The following SCAPER variants were observed in gnomAD, a reference collection of about 807,000 sequenced individuals.
The protein encoded by SCAPER is S phase cyclin A-associated protein in the endoplasmic reticulum.
SCAPER carries 98 observed loss-of-function variants against 182.2 expected under a neutral mutation model. That is an observed-to-expected ratio of 0.54 (90% CI 0.46 to 0.64). The LOEUF is 0.64. Ranked by LOEUF, SCAPER falls within the 30% of genes least tolerant of loss-of-function variation. The probability of loss-of-function intolerance (pLI) is 0.00; values close to 1 mark genes in which losing one functional copy is unlikely to be tolerated. For synonymous variants in SCAPER, 605 were observed against 564.6 expected (o/e 1.07, Z -1.01); for missense variants, 1,432 against 1,690.0 (o/e 0.85, Z 2.68).
chr15:76,713,704 C>A (rs1398260616), intron 17 of SCAPER, among the ~76,000 whole-genome samples: 1 of 151,868 alleles, frequency 6.6e-6, no homozygotes, highest in African/African-American at 2.4e-5. Context: ...GGGTGCAGCA[C>A]ACCAGCATGG....
chr15:76,526,388 T>C (rs1311888513), intron 23 of SCAPER, among the ~76,000 whole-genome samples: 3 of 152,204 alleles, frequency 2.0e-5, no homozygotes, highest in Non-Finnish European at 4.4e-5. Flanking sequence ...GTCTCTACTC[T>C]AGTAGTTTAA....
At chr15:76,518,637 A>G (rs1186114915) in intron 23 of SCAPER, among the ~76,000 whole-genome samples, 1 of 152,194 alleles carries the variant, frequency 6.6e-6, no homozygotes, top group East Asian at 1.9e-4. Flanking sequence ...TGGGAGAAAC[A>G]CAGGAGGCAA....
chr15:76,647,633 G>A (rs1409226931), intron 21 of SCAPER, among the ~76,000 whole-genome samples: 1 of 152,234 alleles, frequency 6.6e-6, no homozygotes, highest in African/African-American at 2.4e-5. Flanking sequence ...CAAATCTTCA[G>A]AGAGGCCCCA....
At chr15:76,794,246 T>C (rs1598768081) in intron 8 of SCAPER, among the ~76,000 whole-genome samples, 1 of 152,366 alleles carries the variant, frequency 6.6e-6, no homozygotes, top group South Asian at 2.1e-4. Context: ...GAGTTATTCA[T>C]GAATAATCTG....
At chr15:76,407,977 A>G (rs962803766) in intron 26 of SCAPER, among the ~76,000 whole-genome samples, 4 of 152,168 alleles carry the variant, frequency 2.6e-5, no homozygotes, top group Non-Finnish European at 5.9e-5. Context: ...AAATCACTTA[A>G]AAAAAACAAA....
chr15:76,447,698 T>C (rs778935528), intron 25 of SCAPER, among the ~76,000 whole-genome samples: 1 of 151,966 alleles, frequency 6.6e-6, no homozygotes, highest in Non-Finnish European at 1.5e-5. Flanking sequence ...GAAATAATAT[T>C]ATTATCTGAA....
chr15:76,606,080 C>T lies in SCAPER; in HGVS notation c.2711+15684G>A, dbSNP rs144314151. On this transcript the variant is annotated intron_variant, in intron 22 of 31. Transcript: ENST00000563290. Reference sequence around the variant, plus strand: ...TCTGCTAGCTTTTGAATGTGGTTGCCCTTGCTTCTCTAGTTCTTTTAATTG... The same window carrying T: ...TCTGCTAGCTTTTGAATGTGGTTGCTCTTGCTTCTCTAGTTCTTTTAATTG... 4.4e-3 allele frequency among the ~76,000 whole-genome samples: 673 copies of T among 151,836 alleles called. 7 individuals are homozygous for T. Among genetic ancestry groups the T allele is most frequent in the African/African-American group, 0.015 (638 of 41,414 alleles).
At chr15:76,604,966 CTGCAAACAGGGACAACT>C (rs1026381710) in intron 22 of SCAPER, among the ~76,000 whole-genome samples, 2 of 152,162 alleles carry the variant, frequency 1.3e-5, no homozygotes, top group African/African-American at 4.8e-5. Flanking sequence ...ATCATGTCAT[CTGCAAACAGGGACAACT>C]TGACTTCCTC....
chr15:76,538,316 C>T (rs2144691140), intron 23 of SCAPER, among the ~76,000 whole-genome samples: 1 of 149,238 alleles, frequency 6.7e-6, no homozygotes, highest in Admixed American at 6.7e-5. Flanking sequence ...GGAACCAACC[C>T]AAATGTCCAA....
chr15:76,500,465 A>G (rs145654664), intron 24 of SCAPER, among the ~76,000 whole-genome samples: 1 of 152,310 alleles, frequency 6.6e-6, no homozygotes, highest in Admixed American at 6.6e-5. Context: ...CTTGTGAATT[A>G]TGAACATCTA....
intron 21 of SCAPER, among the ~76,000 whole-genome samples, chr15:76,646,426 G>C (rs1050944106): frequency 6.6e-6 from 1 of 152,150 alleles, no homozygotes; most frequent in African/African-American, 2.4e-5. Flanking sequence ...CAGAGGTCCA[G>C]CTATTATACA....
intron 8 of SCAPER, chr15:76,793,493 C>A: frequency 2.0e-6 from 1 of 489,952 alleles, no homozygotes; most frequent in African/African-American, 2.0e-5. Context: ...AGGTTGCTTG[C>A]CAATGGTTTA....
chr15:76,675,550 G>C (rs114018101), intron 20 of SCAPER, among the ~76,000 whole-genome samples: 1 of 152,206 alleles, frequency 6.6e-6, no homozygotes, highest in Non-Finnish European at 1.5e-5. Flanking sequence ...GAATGATGCA[G>C]AAGCTGAACC....
chr15:76,514,574 C>A (rs1173772134), intron 23 of SCAPER, among the ~76,000 whole-genome samples: 1 of 152,182 alleles, frequency 6.6e-6, no homozygotes, highest in Admixed American at 6.5e-5. Context: ...GGGAGGAAGG[C>A]CTTCAAAGCT....
At chr15:76,553,332 C>T (rs1200342166) in intron 23 of SCAPER, among the ~76,000 whole-genome samples, 1 of 152,232 alleles carries the variant, frequency 6.6e-6, no homozygotes, top group East Asian at 1.9e-4. Flanking sequence ...CCTGCCCCTG[C>T]CAGCACAAGT....
chr15:76,576,633 A>G (rs976939905), intron 22 of SCAPER, among the ~76,000 whole-genome samples: 2 of 152,284 alleles, frequency 1.3e-5, no homozygotes, highest in Middle Eastern at 3.4e-3. Flanking sequence ...CGTATCACTG[A>G]AAAAGGCACT....
Position 76,497,989 on chromosome 15 carries a change from C to CAG in SCAPER, c.2954+6869_2954+6870insCT, listed in dbSNP as rs1164927976. Reference sequence around the variant, plus strand: ...CTGGTGATGGAGCGAGACTCCGTCTCAAAAAAAAAAAAAAAAAAAAAAAAA... The same window carrying CAG: ...CTGGTGATGGAGCGAGACTCCGTCTCAGAAAAAAAAAAAAAAAAAAAAAAAAA... On this transcript the variant is annotated intron_variant, in intron 24 of 31. Transcript: ENST00000563290. Among the ~76,000 whole-genome samples the CAG allele has an allele frequency of 5.1e-5, 3 of 58,328 alleles. No homozygotes were observed. In the East Asian group the frequency reaches 1.8e-3, roughly 35 times the overall value. 38.3% of individuals were successfully genotyped at this position (58,328 alleles called of 152,430 possible). A position where few individuals can be genotyped will look rare whatever the true frequency, so the allele number is the denominator to read the frequency against.
At chr15:76,612,331 A>G (rs768100422) in intron 22 of SCAPER, among the ~76,000 whole-genome samples, 1 of 152,122 alleles carries the variant, frequency 6.6e-6, no homozygotes, top group Admixed American at 6.5e-5. Context: ...TGGACCTCCC[A>G]GGCTCAGGTG....
chr15:76,877,793 C>A (rs2073270073), intron 2 of SCAPER, among the ~76,000 whole-genome samples: 1 of 152,036 alleles, frequency 6.6e-6, no homozygotes, highest in Non-Finnish European at 1.5e-5. Flanking sequence ...ACAGACCTGG[C>A]AACTAAATGG....
Sources: allele counts gnomAD v4.1 joint callset (sites outside exome capture counted in the v4.1 genomes callset), GRCh38; gene constraint gnomAD v4.1.1; transcripts MANE v1.5; gene names NCBI Gene and HGNC (gene_info 2026-07-23, HGNC 2026-07-21).